The following CNTNAP2 variants were observed in gnomAD, a reference collection of about 807,000 sequenced individuals.
CNTNAP2 encodes the protein contactin-associated protein-like 2.
A neutral mutation model predicts 155.2 loss-of-function variants in CNTNAP2; 98 were observed. That is an observed-to-expected ratio of 0.63 (90% CI 0.54 to 0.75). The LOEUF is 0.75. Among genes scored for constraint, CNTNAP2 ranks in the 30% least tolerant of loss-of-function variants. The pLI is 0.00. For synonymous variants in CNTNAP2, 651 were observed against 631.2 expected (o/e 1.03, Z -0.47); for missense variants, 1,727 against 1,688.1 (o/e 1.02, Z -0.40).
chr7:147,938,489 A>G (rs992470536), intron 14 of CNTNAP2, among the ~76,000 whole-genome samples: 8 of 152,194 alleles, frequency 5.3e-5, no homozygotes, highest in East Asian at 1.9e-4. Flanking sequence ...TGAAAAAGTA[A>G]AATAGCTTTC....
At chr7:146,396,619 A>G (rs1273587792) in intron 1 of CNTNAP2, among the ~76,000 whole-genome samples, 1 of 151,572 alleles carries the variant, frequency 6.6e-6, no homozygotes, top group Non-Finnish European at 1.5e-5. Flanking sequence ...CAGAATTAAA[A>G]GTCGCATTAT....
intron 3 of CNTNAP2, among the ~76,000 whole-genome samples, chr7:146,987,089 T>A: frequency 6.6e-6 from 1 of 152,190 alleles, no homozygotes; most frequent in East Asian, 1.9e-4. Flanking sequence ...CAAAGCTCAA[T>A]AATTTTATTA....
In CNTNAP2 at chr7:146,752,631, T is replaced by C. The variant is rs12386661; in HGVS notation, c.98-21640T>C. Among the ~76,000 whole-genome samples the C allele has an allele frequency of 3.3e-5, 5 of 151,996 alleles. No individual in the cohort carries two copies. The South Asian group carries it at 1.0e-3, about 31-fold the overall frequency. Reference sequence around the variant, plus strand: ...GAAGCTCTTTAGTTTAATTAGATCCTATTTATCAATTTTGGCTTTTGTTGC... The same window carrying C: ...GAAGCTCTTTAGTTTAATTAGATCCCATTTATCAATTTTGGCTTTTGTTGC... On this transcript the variant is annotated intron_variant, in intron 1 of 23. Coordinates refer to ENST00000361727, the MANE Select transcript of CNTNAP2 (RefSeq NM_014141.6).
chr7:146,122,763 AAAATACAGCCTATTTAC>A (rs1196908773), intron 1 of CNTNAP2, among the ~76,000 whole-genome samples: 2 of 152,182 alleles, frequency 1.3e-5, no homozygotes, highest in Non-Finnish European at 2.9e-5. Flanking sequence ...ATTGCCATTT[AAAATACAGCCTATTTAC>A]AAACTTTAGC....
intron 15 of CNTNAP2, among the ~76,000 whole-genome samples, chr7:148,091,002 T>G (rs1012946329): frequency 1.3e-5 from 2 of 152,028 alleles, no homozygotes; most frequent in African/African-American, 2.4e-5. Context: ...CCCACTTACA[T>G]GTGGAGGGTA....
Position 146,760,581 on chromosome 7 carries a change from C to T in CNTNAP2, c.98-13690C>T, listed in dbSNP as rs139136872. 3.4e-3 allele frequency among the ~76,000 whole-genome samples: 514 copies of T among 151,714 alleles called. 4 individuals carry two copies. Among genetic ancestry groups the T allele is most frequent in the African/African-American group, 0.012 (485 of 41,320 alleles). On this transcript the variant is annotated intron_variant, in intron 1 of 23. Coordinates refer to ENST00000361727, the MANE Select transcript of CNTNAP2 (RefSeq NM_014141.6). ...CTGGCACTACAGGCACACACCATCA[C>T]GCCTGGCTAATTTTTGTATTTTTTG... is the stretch of plus-strand genomic sequence containing the variant.
chr7:148,263,089 T>C (rs1253006982), intron 20 of CNTNAP2: 2 of 152,208 alleles, frequency 1.3e-5, no homozygotes, highest in Non-Finnish European at 2.9e-5. Context: ...AAGGACGCCT[T>C]GCTCGTGGTA....
rs145932135 is a variant in CNTNAP2, at chr7:148,412,313, G to A, written c.3796+2842G>A. ...ATCCTGGCCAGGCGCGGTGGCGCAC[G>A]CCTGTAATCCCAGCACTTTGAGAGG... On this transcript the variant is annotated intron_variant, in intron 23 of 23. Transcript: ENST00000361727. Among the ~76,000 whole-genome samples the A allele has an allele frequency of 2.2e-4, 33 of 152,338 alleles. No individual in the cohort carries two copies. The East Asian group carries it at 5.8e-3, about 27-fold the overall frequency.
At chr7:146,731,926 AT>A (rs570772200) in intron 1 of CNTNAP2, among the ~76,000 whole-genome samples, 160 of 151,958 alleles carry the variant, frequency 1.1e-3, no homozygotes, top group African/African-American at 3.6e-3. Context: ...TAAAAATTAC[AT>A]TTTTTGTCTA....
intron 4 of CNTNAP2, among the ~76,000 whole-genome samples, chr7:147,054,497 G>C (rs533559713): frequency 6.6e-6 from 1 of 152,172 alleles, no homozygotes; most frequent in East Asian, 1.9e-4. Flanking sequence ...GAGTACTAGA[G>C]CCTAAATTAC....
intron 12 of CNTNAP2, among the ~76,000 whole-genome samples, chr7:147,633,259 G>T (rs942686705): frequency 1.3e-5 from 2 of 152,216 alleles, no homozygotes; most frequent in African/African-American, 4.8e-5. Flanking sequence ...GGGCCTGTGG[G>T]TACACAGAAG....
At chr7:146,332,772 T>G (rs1801207083) in intron 1 of CNTNAP2, among the ~76,000 whole-genome samples, 1 of 152,270 alleles carries the variant, frequency 6.6e-6, no homozygotes, top group South Asian at 2.1e-4. Context: ...TTTTCAGTTT[T>G]ACTTTTTTGG....
At chr7:148,330,790 A>AATGG (rs138812754) in intron 21 of CNTNAP2, among the ~76,000 whole-genome samples, 70,590 of 131,782 alleles carry the variant, frequency 0.54, 18,942 homozygotes, top group East Asian at 0.74. Flanking sequence ...TGATGGATGG[A>AATGG]ATGGATGGAT....
chr7:146,582,195 T>A (rs1408707241), intron 1 of CNTNAP2, among the ~76,000 whole-genome samples: 1 of 152,214 alleles, frequency 6.6e-6, no homozygotes. Context: ...GGTTTCCCCA[T>A]AGCAAAATCA....
intron 9 of CNTNAP2, among the ~76,000 whole-genome samples, chr7:147,329,081 A>T (rs1440233610): frequency 1.3e-5 from 2 of 152,074 alleles, no homozygotes; most frequent in African/African-American, 4.8e-5. Flanking sequence ...CAGAAATGGG[A>T]TGAGAAAACA....
chr7:146,439,299 G>A (rs1584926113), intron 1 of CNTNAP2, among the ~76,000 whole-genome samples: 2 of 151,042 alleles, frequency 1.3e-5, no homozygotes, highest in Admixed American at 6.6e-5. Context: ...AAAGTGTTTA[G>A]CAGCTTATCT....
chr7:147,398,885 A>G (rs1274249895), intron 10 of CNTNAP2, among the ~76,000 whole-genome samples: 1 of 151,612 alleles, frequency 6.6e-6, no homozygotes, highest in Non-Finnish European at 1.5e-5. Flanking sequence ...TAATCTAGCA[A>G]GTGAGAAGGA....
At chr7:147,503,744 C>T (rs1398451572) in intron 11 of CNTNAP2, among the ~76,000 whole-genome samples, 4 of 151,690 alleles carry the variant, frequency 2.6e-5, no homozygotes, top group African/African-American at 9.7e-5. Context: ...GGTATTTATA[C>T]ACTCAGTTAA....
At chr7:146,954,281 G>T (rs2129228702) in intron 3 of CNTNAP2, among the ~76,000 whole-genome samples, 1 of 152,000 alleles carries the variant, frequency 6.6e-6, no homozygotes, top group East Asian at 1.9e-4. Flanking sequence ...TGGACACACA[G>T]CAGATACATG....
Sources: gnomAD v4.1 joint callset for allele counts (sites outside exome capture counted in the v4.1 genomes callset) on GRCh38, gnomAD v4.1.1 for gene constraint, MANE v1.5 for transcripts, NCBI Gene and HGNC (gene_info 2026-07-23, HGNC 2026-07-21) for gene names.